Variants in FARP2 observed in about 807,000 individuals in gnomAD.
FARP2 encodes FERM, ARH/RhoGEF and pleckstrin domain protein 2.
FARP2 carries 111 observed loss-of-function variants against 130.5 expected under a neutral mutation model. The ratio of observed to expected loss-of-function variants is 0.85; its 90% CI spans 0.73 to 1.00. FARP2 has a LOEUF of 1.00. FARP2 is among the 50% of genes least tolerant of loss of function. The pLI, the probability that FARP2 is intolerant of heterozygous loss-of-function variation, is 0.00. For synonymous variants in FARP2, 504 were observed against 516.9 expected, an observed-to-expected ratio of 0.98 and a Z score of 0.34; for missense variants, 1,385 against 1,346.3, an observed-to-expected ratio of 1.03 and a Z score of -0.45.
chr2:241,476,100 C>T (rs866568504), intron 19 of FARP2, 113 bp downstream of exon 19: 1 of 966,214 alleles, frequency 1.0e-6, no homozygotes, highest in Non-Finnish European at 1.5e-6. Flanking sequence ...TGGCCAGGCA[C>T]AGTGGCTCAT....
chr2:241,384,487 G>A (rs545400845), intron 2 of FARP2, among the ~76,000 whole-genome samples: 13 of 152,278 alleles, frequency 8.5e-5, no homozygotes, highest in African/African-American at 2.4e-4. Context: ...ATGAGAATCC[G>A]TTGCATCCTG....
At position 241,458,411 on chromosome 2, in the gene FARP2, G is replaced by C. The variant is rs78816762; in HGVS notation, c.1587+1489G>C. ...TGCCTTCCAGATGCCAGGGCTACCC[G>C]TGGGATGCTGGGACTCTCAGCAGGT... is the stretch of plus-strand genomic sequence containing the variant. On this transcript the variant is annotated intron_variant, in intron 14 of 26. Transcript: ENST00000264042. Among the ~76,000 whole-genome samples, 21 of 152,282 alleles carry C rather than the reference G, an allele frequency of 1.4e-4. No homozygotes were observed. The East Asian group carries it at 4.1e-3, about 29-fold the overall frequency.
At position 241,466,681 on chromosome 2, in the gene FARP2, T is replaced by C. The variant is rs934520037; in HGVS notation, c.1894-1459T>C. The C allele has an allele frequency of 1.3e-4, 74 of 575,964 alleles. No individual in the cohort carries two copies. The Admixed American group carries it at 3.1e-3, about 24-fold the overall frequency. 35.7% of individuals were successfully genotyped at this position (575,964 alleles called of 1,614,324 possible). On this transcript the variant is annotated intron_variant, in intron 17 of 26. Transcript: ENST00000264042. ...CGGGCCAGCCCCGCCTTCACTCCCC[T>C]TCCAACCACCCCCCCCCCCACCACC...
chr2:241,395,702 G>A (rs886407809), intron 2 of FARP2: 2 of 152,168 alleles, frequency 1.3e-5, no homozygotes, highest in African/African-American at 2.4e-5. Context: ...GTTTCTTCCA[G>A]TTATGAAGTG....
chr2:241,413,501 C>T (rs766702085), intron 7 of FARP2, 80 bp downstream of exon 7: 43 of 998,114 alleles, frequency 4.3e-5, no homozygotes, highest in Non-Finnish European at 6.3e-5. Flanking sequence ...GGACTGTTGT[C>T]GTGACTTCTG....
chr2:241,441,537 C>G lies in FARP2; in HGVS notation c.1392C>G (p.Pro464=), dbSNP rs751981551. The part of the protein sequence containing the change: ...DTPSAQPLGP[P]ALQPGPGLST... ...CATCGGCCCAGCCCCTCGGGCCCCC[C>G]GCACTCCAGCCTGGTCCAGGTGTCG... Residue 464 remains proline (P), a synonymous_variant, in exon 13 of 27, where the codon CCC becomes CCG. Coordinates refer to ENST00000264042, the MANE Select transcript of FARP2 (RefSeq NM_014808.4). 14 of 1,614,066 alleles carry G rather than the reference C, an allele frequency of 8.7e-6. No individual in the cohort carries two copies. Among genetic ancestry groups the G allele is most frequent in the Middle Eastern group, 1.6e-4 (1 of 6,062 alleles).
At chr2:241,484,443 G>A in intron 21 of FARP2, 112 bp downstream of exon 21, 1 of 840,402 alleles carries the variant, frequency 1.2e-6, no homozygotes, top group Non-Finnish European at 2.0e-6. Context: ...AGCAGCACCT[G>A]CTGAGTATTT....
chr2:241,475,956 T>C lies in FARP2; in HGVS notation c.2231T>C (p.Val744Ala). ...CTAACGGAGCTGCAGCGGGACCTGG[T>C]GGGCATAGAGAACCTCATTGCTCCT... is the stretch of plus-strand genomic sequence containing the variant. The part of the protein sequence containing the change: ...QKLTELQRDL[V>A]GIENLIAPGR... Residue 744 changes from valine (V) to alanine (A), a missense_variant, in exon 19 of 27, where the codon GTG (valine) becomes GCG (alanine). Val to Ala is a moderately conservative substitution (Grantham distance 64, BLOSUM62 0). Coordinates refer to ENST00000264042, the MANE Select transcript of FARP2 (RefSeq NM_014808.4). This position sits in a 1 kb window ranked among gnomAD's most constrained non-coding sequence, Gnocchi z 4.4. 1 of 1,614,066 alleles carries C rather than the reference T, an allele frequency of 6.2e-7. No homozygotes were observed. The highest frequency in any genetic ancestry group is 8.5e-7 in the Non-Finnish European group (1 of 1,179,942).
chr2:241,400,483 G>A (rs923454815), intron 2 of FARP2, among the ~76,000 whole-genome samples: 12 of 152,190 alleles, frequency 7.9e-5, no homozygotes, highest in Admixed American at 2.0e-4. Flanking sequence ...ATGCCAAAGG[G>A]CAGTTCTAGA....
At chr2:241,437,662 A>ATTTTTTT (rs1254102658) in intron 12 of FARP2, among the ~76,000 whole-genome samples, 34 of 135,414 alleles carry the variant, frequency 2.5e-4, no homozygotes, top group Non-Finnish European at 4.0e-4. Flanking sequence ...TTATTTATTT[A>ATTTTTTT]TTTATTTATT....
At chr2:241,485,037 T>G (rs2064717355) in intron 21 of FARP2, among the ~76,000 whole-genome samples, 2 of 152,122 alleles carry the variant, frequency 1.3e-5, no homozygotes, top group African/African-American at 4.8e-5. Context: ...TCCCCAGCTC[T>G]GCCCTATCCC....
intron 8 of FARP2, among the ~76,000 whole-genome samples, chr2:241,419,917 A>T (rs1331769761): frequency 6.6e-6 from 1 of 152,208 alleles, no homozygotes; most frequent in African/African-American, 2.4e-5. Flanking sequence ...TGGGAGGCTA[A>T]GGTGGGCAGA....
intron 1 of FARP2, among the ~76,000 whole-genome samples, chr2:241,371,616 A>C (rs1014648837): frequency 6.6e-6 from 1 of 152,076 alleles, no homozygotes; most frequent in African/African-American, 2.4e-5. Context: ...AGTGAGATTA[A>C]CTCTTTAAAA....
At chr2:241,366,513 T>C (rs1443713434) in intron 1 of FARP2, among the ~76,000 whole-genome samples, 2 of 152,098 alleles carry the variant, frequency 1.3e-5, no homozygotes, top group African/African-American at 2.4e-5. Flanking sequence ...ATATTAGTTA[T>C]GTAGAAAGAA....
At chr2:241,374,324 A>C (rs1040069525) in intron 2 of FARP2, among the ~76,000 whole-genome samples, 1 of 152,170 alleles carries the variant, frequency 6.6e-6, no homozygotes, top group Non-Finnish European at 1.5e-5. Flanking sequence ...AGTTCTTTTT[A>C]AAATTATTTA....
At chr2:241,404,019 A>G in intron 3 of FARP2, 87 bp downstream of exon 3, 1 of 729,774 alleles carries the variant, frequency 1.4e-6, no homozygotes, top group Non-Finnish European at 2.5e-6. Context: ...CCACATCATC[A>G]GCATTAAATG....
At chr2:241,493,538 GC>G in intron 26 of FARP2, 94 bp downstream of exon 26, 1 of 1,177,752 alleles carries the variant, frequency 8.5e-7, no homozygotes, top group Non-Finnish European at 1.3e-6. Context: ...AGTTTTCTGG[GC>G]CCTGGAAAGG....
Position 241,373,236 on chromosome 2 carries a change from C to G in FARP2, c.129C>G (p.His43Gln). Reference protein sequence around the residue: ...QTLLPRMQEKHLHLRVKLLDN... With the variant: ...QTLLPRMQEKQLHLRVKLLDN... ...TCTTGCCCAGAATGCAAGAGAAGCA[C>G]CTGCACCTCAGAGTAAAGCTGCTGG... Residue 43 changes from histidine to glutamine, a missense_variant, in exon 2 of 27, where the codon CAC becomes CAG. By Grantham distance (24) the His-to-Gln change is conservative. Transcript: ENST00000264042. 6.4e-7 allele frequency: 1 copy of G among 1,555,624 alleles called. No homozygotes were observed. Among genetic ancestry groups the G allele is most frequent in the Non-Finnish European group, 8.7e-7 (1 of 1,143,652 alleles).
At chr2:241,469,017 A>T (rs2064243289) in intron 18 of FARP2, among the ~76,000 whole-genome samples, 1 of 151,872 alleles carries the variant, frequency 6.6e-6, no homozygotes, top group African/African-American at 2.4e-5. Context: ...TCTAATGGGG[A>T]TGTGTTCTGA....
Sources: allele counts gnomAD v4.1 joint callset (sites outside exome capture counted in the v4.1 genomes callset), GRCh38; gene constraint gnomAD v4.1.1; non-coding constraint Gnocchi (gnomAD v3.1); transcripts MANE v1.5; gene names NCBI Gene and HGNC (gene_info 2026-07-23, HGNC 2026-07-21).